Variants in TBC1D1 observed in about 807,000 individuals in gnomAD.
TBC1D1 encodes the protein TBC1 domain family member 1.
TBC1D1 carries 89 observed loss-of-function variants against 125.6 expected under a neutral mutation model. The observed-to-expected ratio is 0.71, with a 90% CI of 0.60 to 0.85. TBC1D1 has a LOEUF of 0.85. Among genes scored for constraint, TBC1D1 ranks in the 40% least tolerant of loss-of-function variants. The pLI, the probability that TBC1D1 is intolerant of heterozygous loss-of-function variation, is 0.00. For synonymous variants in TBC1D1, 565 were observed against 564.1 expected, an observed-to-expected ratio of 1.00 and a Z score of -0.02; for missense variants, 1,377 against 1,469.2, an observed-to-expected ratio of 0.94 and a Z score of 1.03.
chr4:37,893,340 G>A (rs1409959553), intron 1 of TBC1D1, among the ~76,000 whole-genome samples: 1 of 152,142 alleles, frequency 6.6e-6, no homozygotes, highest in Admixed American at 6.6e-5. Context: ...AATGTATCAC[G>A]GCCCATTTGG....
intron 2 of TBC1D1, among the ~76,000 whole-genome samples, chr4:38,012,133 A>C (rs908948342): frequency 6.6e-6 from 1 of 152,262 alleles, no homozygotes; most frequent in African/African-American, 2.4e-5. Flanking sequence ...ACGTGACTTG[A>C]TAAAATAATC....
intron 12 of TBC1D1, among the ~76,000 whole-genome samples, chr4:38,085,349 A>G (rs1757311043): frequency 1.3e-5 from 2 of 152,106 alleles, no homozygotes; most frequent in African/African-American, 2.4e-5. Context: ...CACATCCGTC[A>G]TTATAGGAGA....
chr4:37,917,626 A>T lies in TBC1D1; in HGVS notation c.417+15114A>T, dbSNP rs550324764. Among the ~76,000 whole-genome samples the T allele has an allele frequency of 2.6e-5, 4 of 152,272 alleles. No individual in the cohort carries two copies. The South Asian group carries it at 8.3e-4, about 32-fold the overall frequency. On this transcript the variant is annotated intron_variant, in intron 2 of 19. Coordinates refer to ENST00000261439, the MANE Select transcript of TBC1D1 (RefSeq NM_015173.4). ...GAGCCAGGATTCACTGGGGCAGGGA[A>T]TTGGACTAACTGTGGACTCCCAAGA...
chr4:38,082,774 T>C lies in TBC1D1; in HGVS notation c.2051-7158T>C, dbSNP rs75397915. On this transcript the variant is annotated intron_variant, in intron 12 of 19. Coordinates refer to ENST00000261439, the MANE Select transcript of TBC1D1 (RefSeq NM_015173.4). ...TGTTCTCTGTGCCTCTTCCTGGTTC[T>C]CTTCCCTGGACTTCCCACTGCCGTG... 4.4e-3 allele frequency among the ~76,000 whole-genome samples: 675 copies of C among 152,336 alleles called. 4 individuals carry two copies. The highest frequency in any genetic ancestry group is 5.5e-3 in the Non-Finnish European group (373 of 68,038).
At chr4:38,000,495 G>A (rs1738827122) in intron 2 of TBC1D1, among the ~76,000 whole-genome samples, 1 of 152,138 alleles carries the variant, frequency 6.6e-6, no homozygotes, top group African/African-American at 2.4e-5. Flanking sequence ...CATTTCCTTT[G>A]AGTGTCATGT....
intron 11 of TBC1D1, among the ~76,000 whole-genome samples, chr4:38,050,859 G>A (rs7674013): frequency 0.32 from 48,343 of 152,108 alleles, 8,101 homozygotes; most frequent in East Asian, 0.62. Context: ...TTTGTTTTCT[G>A]TCAGCCATTG....
chr4:38,049,486 G>A, intron 10 of TBC1D1, 132 bp from the exon 11 acceptor site: 1 of 1,056,798 alleles, frequency 9.5e-7, no homozygotes, highest in Non-Finnish European at 1.4e-6. Flanking sequence ...GCTTTTGGTG[G>A]TGGCTTCTAG....
chr4:38,060,654 T>C (rs1194655171), intron 12 of TBC1D1: 17 of 1,288,912 alleles, frequency 1.3e-5, no homozygotes, highest in Non-Finnish European at 1.6e-5. Flanking sequence ...TGGCCTGTAC[T>C]GAAGGTAAAG....
At chr4:38,109,196 G>A (rs1369717407) in intron 15 of TBC1D1, among the ~76,000 whole-genome samples, 1 of 152,348 alleles carries the variant, frequency 6.6e-6, no homozygotes, top group African/African-American at 2.4e-5. Context: ...GGACGTTGCT[G>A]TATGGAGGTC....
chr4:38,045,781 C>A (rs570175142), intron 9 of TBC1D1, 36 bp from the exon 10 acceptor site: 3 of 1,571,944 alleles, frequency 1.9e-6, no homozygotes, highest in East Asian at 2.2e-5. Flanking sequence ...GCAAAAGCCT[C>A]CAGAGTCATA....
chr4:38,028,753 T>G (rs114598916), intron 7 of TBC1D1, among the ~76,000 whole-genome samples: 4 of 152,224 alleles, frequency 2.6e-5, no homozygotes, highest in Non-Finnish European at 2.9e-5. Flanking sequence ...TGTACTCATC[T>G]GTTCCCTGGG....
At chr4:37,938,707 G>T (rs947058245) in intron 2 of TBC1D1, among the ~76,000 whole-genome samples, 1 of 152,074 alleles carries the variant, frequency 6.6e-6, no homozygotes, top group Non-Finnish European at 1.5e-5. Context: ...ACAGGTGTGT[G>T]ATGTTCCCCT....
At chr4:37,915,138 A>G (rs986118194) in intron 2 of TBC1D1, among the ~76,000 whole-genome samples, 1 of 152,190 alleles carries the variant, frequency 6.6e-6, no homozygotes, top group African/African-American at 2.4e-5. Flanking sequence ...CACATAGTAG[A>G]TACTTCATGA....
At chr4:38,079,894 T>C (rs1399895514) in intron 12 of TBC1D1, among the ~76,000 whole-genome samples, 1 of 152,240 alleles carries the variant, frequency 6.6e-6, no homozygotes, top group Non-Finnish European at 1.5e-5. Flanking sequence ...AAGGTAACTG[T>C]AATGTAAAGT....
intron 2 of TBC1D1, among the ~76,000 whole-genome samples, chr4:38,013,456 A>C (rs1052010684): frequency 6.6e-6 from 1 of 152,218 alleles, no homozygotes; most frequent in African/African-American, 2.4e-5. Context: ...CCTTAAATTG[A>C]ATTTTCCTTA....
At chr4:38,031,129 T>C (rs188333437) in intron 7 of TBC1D1, among the ~76,000 whole-genome samples, 96 of 152,378 alleles carry the variant, frequency 6.3e-4, no homozygotes, top group African/African-American at 1.9e-3. Context: ...TGGGTGAATA[T>C]ACTAAATCCA....
chr4:37,979,952 A>G (rs1020661995), intron 2 of TBC1D1, among the ~76,000 whole-genome samples: 2 of 152,082 alleles, frequency 1.3e-5, no homozygotes, highest in Admixed American at 1.3e-4. Context: ...CTAATTTTGT[A>G]TTTTTAAATA....
At chr4:37,945,337 A>G (rs991603879) in intron 2 of TBC1D1, among the ~76,000 whole-genome samples, 1 of 151,486 alleles carries the variant, frequency 6.6e-6, no homozygotes, top group Admixed American at 6.6e-5. Context: ...AACATGGCAA[A>G]CTCCATCTCT....
intron 2 of TBC1D1, among the ~76,000 whole-genome samples, chr4:37,920,059 G>A (rs1720614322): frequency 6.6e-6 from 1 of 152,222 alleles, no homozygotes; most frequent in East Asian, 1.9e-4. Flanking sequence ...CTTGCAGTGA[G>A]CCGAGATAAC....
Sources: allele counts gnomAD v4.1 joint callset (sites outside exome capture counted in the v4.1 genomes callset), GRCh38; gene constraint gnomAD v4.1.1; transcripts MANE v1.5; gene names NCBI Gene and HGNC (gene_info 2026-07-23, HGNC 2026-07-21).